The following CCDC148 variants were observed in gnomAD, a reference collection of about 807,000 sequenced individuals.
CCDC148 encodes the protein coiled-coil domain-containing protein 148.
In CCDC148, 89 loss-of-function variants were observed where a neutral mutation model predicts 85.7. That is an observed-to-expected ratio of 1.04 (90% CI 0.87 to 1.24). The LOEUF (loss-of-function observed/expected upper bound fraction) is 1.24. CCDC148 is among the 50% of genes most tolerant of loss of function. CCDC148 has a pLI of 0.00. For synonymous variants in CCDC148, 230 were observed against 213.9 expected (o/e 1.08, Z -0.66); for missense variants, 692 against 671.7 (o/e 1.03, Z -0.33).
intron 1 of CCDC148, among the ~76,000 whole-genome samples, chr2:158,449,941 C>T (rs915815745): frequency 1.3e-5 from 2 of 151,782 alleles, no homozygotes; most frequent in Non-Finnish European, 2.9e-5. Flanking sequence ...TACCGTGAAT[C>T]GGTGTTGTAT....
In CCDC148 at chr2:158,211,189, A is replaced by AT. The variant is rs200427905; in HGVS notation, c.1370+9405_1370+9406insA. 3.7e-3 allele frequency among the ~76,000 whole-genome samples: 531 copies of AT among 145,060 alleles called. 1 individual carries two copies. Among genetic ancestry groups the AT allele is most frequent in the African/African-American group, 0.012 (478 of 40,802 alleles). The stretch of plus-strand genomic sequence containing the variant: ...TCCCAGAACTTAAAGTATAATAATA[A>AT]AAAAAAAGAAAGAAAACAACCTAAT... On this transcript the variant is annotated intron_variant, in intron 11 of 13. Coordinates refer to ENST00000283233, the MANE Select transcript of CCDC148 (RefSeq NM_138803.4).
intron 1 of CCDC148, among the ~76,000 whole-genome samples, chr2:158,422,797 C>T (rs994714168): frequency 2.6e-5 from 4 of 151,660 alleles, no homozygotes; most frequent in African/African-American, 9.7e-5. Flanking sequence ...TCAAATTGTC[C>T]CTGTTTGCAG....
At chr2:158,397,857 C>A (rs533217482) in intron 1 of CCDC148, among the ~76,000 whole-genome samples, 4 of 152,208 alleles carry the variant, frequency 2.6e-5, no homozygotes, top group Admixed American at 6.6e-5. Context: ...AGAGTCAAGA[C>A]CCATCAGTGT....
chr2:158,275,491 A>G (rs1689891756), intron 9 of CCDC148, among the ~76,000 whole-genome samples: 2 of 152,214 alleles, frequency 1.3e-5, no homozygotes, highest in Admixed American at 1.3e-4. Flanking sequence ...TTCTCAAAAA[A>G]TAAAGAACTT....
chr2:158,443,159 T>C (rs79905851), intron 1 of CCDC148, among the ~76,000 whole-genome samples: 1 of 151,004 alleles, frequency 6.6e-6, no homozygotes, highest in Non-Finnish European at 1.5e-5. Context: ...GAAAGGCATA[T>C]CTTGAACAAA....
Position 158,241,479 on chromosome 2 carries a change from G to A in CCDC148, c.1251+9293C>T, listed in dbSNP as rs1044052639. 3.2e-4 allele frequency among the ~76,000 whole-genome samples: 48 copies of A among 152,072 alleles called. 1 individual carries two copies. ...CTCCCTTTAAACAGAGATGAGAAAG[G>A]GGGCAATTTCTTGAGTGGATGATCT... On this transcript the variant is annotated intron_variant, in intron 10 of 13. Coordinates refer to ENST00000283233, the MANE Select transcript of CCDC148 (RefSeq NM_138803.4).
At chr2:158,226,915 T>A (rs189393314) in intron 10 of CCDC148, among the ~76,000 whole-genome samples, 1 of 152,132 alleles carries the variant, frequency 6.6e-6, no homozygotes, top group Non-Finnish European at 1.5e-5. Context: ...ATGCCCTCTC[T>A]CACCACTCCT....
chr2:158,430,404 C>T (rs1412687939), intron 1 of CCDC148, among the ~76,000 whole-genome samples: 1 of 152,130 alleles, frequency 6.6e-6, no homozygotes, highest in Non-Finnish European at 1.5e-5. Context: ...ACAATATTAA[C>T]ATTTACAACA....
intron 11 of CCDC148, among the ~76,000 whole-genome samples, chr2:158,214,802 A>G (rs1231032598): frequency 6.6e-6 from 1 of 152,194 alleles, no homozygotes; most frequent in Admixed American, 6.5e-5. Context: ...CCCCAGAAAA[A>G]AAAAAAGATG....
intron 11 of CCDC148, among the ~76,000 whole-genome samples, chr2:158,201,570 T>A (rs1230631996): frequency 6.6e-6 from 1 of 151,898 alleles, no homozygotes; most frequent in Non-Finnish European, 1.5e-5. Flanking sequence ...CCACCAACTC[T>A]GGCTAATGTT....
At chr2:158,320,023 T>G (rs1398202510) in intron 7 of CCDC148, among the ~76,000 whole-genome samples, 2 of 152,226 alleles carry the variant, frequency 1.3e-5, no homozygotes, top group Non-Finnish European at 2.9e-5. Flanking sequence ...TCTTCATTTT[T>G]GGGGGGACAA....
intron 11 of CCDC148, among the ~76,000 whole-genome samples, chr2:158,184,073 C>A (rs1031063489): frequency 6.6e-6 from 1 of 152,140 alleles, no homozygotes; most frequent in African/African-American, 2.4e-5. Context: ...ACTCCTCTAA[C>A]CACACGGGCT....
intron 9 of CCDC148, among the ~76,000 whole-genome samples, chr2:158,254,977 C>T (rs1233248767): frequency 4.5e-5 from 5 of 112,144 alleles, no homozygotes; most frequent in South Asian, 7.2e-4. Context: ...AATGATGCTT[C>T]TTTTCTCCAA....
chr2:158,333,483 C>G (rs1693255995), intron 7 of CCDC148, among the ~76,000 whole-genome samples: 1 of 152,054 alleles, frequency 6.6e-6, no homozygotes, highest in South Asian at 2.1e-4. Context: ...CTGAAGAGAA[C>G]GCATATTTTG....
rs372384514 is a variant in CCDC148, at chr2:158,197,079, T to A, written c.1371-18083A>T. The stretch of plus-strand genomic sequence containing the variant: ...GAAAGTAAGACTCTTTATGTGGCAA[T>A]GATAAGGCTAATGGGGAACTGAAAG... On this transcript the variant is annotated intron_variant, in intron 11 of 13. Transcript: ENST00000283233. Among the ~76,000 whole-genome samples, 42 of 152,276 alleles carry A rather than the reference T, an allele frequency of 2.8e-4. 1 individual carries two copies. The highest frequency in any genetic ancestry group is 2.4e-3 in the Admixed American group (36 of 15,286).
At chr2:158,185,593 G>A (rs1338231587) in intron 11 of CCDC148, among the ~76,000 whole-genome samples, 1 of 152,082 alleles carries the variant, frequency 6.6e-6, no homozygotes, top group African/African-American at 2.4e-5. Flanking sequence ...ATACAAACAA[G>A]GACTTCAATC....
intron 13 of CCDC148, among the ~76,000 whole-genome samples, chr2:158,175,617 T>A (rs745726925): frequency 6.6e-6 from 1 of 152,072 alleles, no homozygotes; most frequent in Admixed American, 6.6e-5. Flanking sequence ...CTTGCTCTGA[T>A]GTAGCCCAGG....
At chr2:158,210,322 G>A (rs1686494241) in intron 11 of CCDC148, among the ~76,000 whole-genome samples, 1 of 152,076 alleles carries the variant, frequency 6.6e-6, no homozygotes, top group Non-Finnish European at 1.5e-5. Flanking sequence ...CAAGTTCTTA[G>A]AGATCTACAA....
At chr2:158,422,656 C>T (rs957064380) in intron 1 of CCDC148, among the ~76,000 whole-genome samples, 1 of 152,098 alleles carries the variant, frequency 6.6e-6, no homozygotes, top group Non-Finnish European at 1.5e-5. Flanking sequence ...TGGAAGCATT[C>T]CCTTTGAAAA....
Sources: gnomAD v4.1 joint callset for allele counts (sites outside exome capture counted in the v4.1 genomes callset) on GRCh38, gnomAD v4.1.1 for gene constraint, MANE v1.5 for transcripts, NCBI Gene and HGNC (gene_info 2026-07-23, HGNC 2026-07-21) for gene names.